The following CERS6 variants were observed in gnomAD, a reference collection of about 807,000 sequenced individuals.
CERS6 encodes the protein LAG1 homolog, ceramide synthase 6.
CERS6 carries 26 observed loss-of-function variants against 56.8 expected under a neutral mutation model. The ratio of observed to expected loss-of-function variants is 0.46; its 90% CI spans 0.34 to 0.63. The LOEUF (loss-of-function observed/expected upper bound fraction) is 0.63, where lower values mean the gene tolerates loss of function less well. Ranked by LOEUF, CERS6 falls within the 30% of genes least tolerant of loss-of-function variation. The pLI, the probability that CERS6 is intolerant of heterozygous loss-of-function variation, is 0.01. For missense variants in CERS6, 415 were observed against 467.5 expected, an observed-to-expected ratio of 0.89 and a Z score of 1.04; for synonymous variants, 164 against 173.3, an observed-to-expected ratio of 0.95 and a Z score of 0.42.
chr2:168,610,547 G>A (rs990194107), intron 3 of CERS6, among the ~76,000 whole-genome samples: 6 of 152,128 alleles, frequency 3.9e-5, no homozygotes, highest in Admixed American at 3.9e-4. Context: ...TTTCCAAACG[G>A]AGAACTGAGC....
intron 8 of CERS6, among the ~76,000 whole-genome samples, chr2:168,750,569 A>T (rs1039572937): frequency 5.3e-5 from 8 of 152,282 alleles, no homozygotes; most frequent in Non-Finnish European, 8.8e-5. Context: ...TTTCCATTTC[A>T]TTAAATGTTC....
chr2:168,479,739 G>C (rs1694144623), intron 1 of CERS6, among the ~76,000 whole-genome samples: 1 of 152,108 alleles, frequency 6.6e-6, no homozygotes, highest in African/African-American at 2.4e-5. Context: ...CTCCTGAGTA[G>C]CTGGGATTAC....
At position 168,481,297 on chromosome 2, in the gene CERS6, C is replaced by T. The variant is rs1179781943; in HGVS notation, c.170+24679C>T. 5.9e-5 allele frequency among the ~76,000 whole-genome samples: 9 copies of T among 152,294 alleles called. No homozygotes were observed. The Middle Eastern group carries it at 0.01, about 173-fold the overall frequency. On this transcript the variant is annotated intron_variant, in intron 1 of 9. Coordinates refer to ENST00000305747, the MANE Select transcript of CERS6 (RefSeq NM_203463.3). ...AGGCGTGGTGGCTGGCACCTGTAGT[C>T]CCACCTACTCTGGAGGCTGAGGCAG...
intron 1 of CERS6, among the ~76,000 whole-genome samples, chr2:168,470,524 C>A (rs903833903): frequency 6.6e-6 from 1 of 152,148 alleles, no homozygotes; most frequent in African/African-American, 2.4e-5. Flanking sequence ...GAGGGCAGAA[C>A]TGTGTCTGTA....
At chr2:168,527,991 G>A (rs1227975121) in intron 1 of CERS6, among the ~76,000 whole-genome samples, 5 of 151,772 alleles carry the variant, frequency 3.3e-5, no homozygotes, top group African/African-American at 1.2e-4. Context: ...AAAAATGCTG[G>A]GATTGCAGGT....
At chr2:168,645,138 TATATAGAGAGAG>T (rs58099720) in intron 4 of CERS6, among the ~76,000 whole-genome samples, 47 of 30,026 alleles carry the variant, frequency 1.6e-3, no homozygotes, top group Admixed American at 2.3e-3. Flanking sequence ...TATATATATA[TATATAGAGAGAG>T]AGAGAGAGAG....
intron 6 of CERS6, among the ~76,000 whole-genome samples, chr2:168,713,072 G>A (rs1687134405): frequency 6.6e-6 from 1 of 151,560 alleles, no homozygotes; most frequent in Non-Finnish European, 1.5e-5. Flanking sequence ...GTTCCACAAG[G>A]GCAAAAGTAG....
At chr2:168,637,007 A>G (rs1031835598) in intron 4 of CERS6, among the ~76,000 whole-genome samples, 3 of 152,204 alleles carry the variant, frequency 2.0e-5, no homozygotes, top group Non-Finnish European at 4.4e-5. Context: ...TCAGTAATGT[A>G]GACTATCCTA....
At position 168,725,726 on chromosome 2, in the gene CERS6, A is replaced by C. The variant is rs143058739; in HGVS notation, c.845+7748A>C. On this transcript the variant is annotated intron_variant, in intron 8 of 9. Coordinates refer to ENST00000305747, the MANE Select transcript of CERS6 (RefSeq NM_203463.3). Reference sequence around the variant, plus strand: ...TATATTGGATACATGTTGCACTACTATTATCAAACGCAATCACTGGTGCCC... The same window carrying C: ...TATATTGGATACATGTTGCACTACTCTTATCAAACGCAATCACTGGTGCCC... Among the ~76,000 whole-genome samples the C allele has an allele frequency of 7.1e-3, 1,086 of 152,360 alleles. 11 individuals are homozygous for C. Among genetic ancestry groups the C allele is most frequent in the African/African-American group, 0.024 (1,018 of 41,596 alleles).
At chr2:168,460,320 G>A (rs1693756430) in intron 1 of CERS6, among the ~76,000 whole-genome samples, 1 of 151,740 alleles carries the variant, frequency 6.6e-6, no homozygotes, top group Non-Finnish European at 1.5e-5. Context: ...TCAGCCTCAC[G>A]AGTAGCTAGG....
intron 8 of CERS6, 110 bp from the exon 9 acceptor site, chr2:168,765,482 G>A (rs929532735): frequency 9.3e-7 from 1 of 1,070,076 alleles, no homozygotes; most frequent in African/African-American, 1.6e-5. Context: ...CTGCCAGAGA[G>A]GGGGTAGTTG....
chr2:168,462,105 A>G (rs1360560384), intron 1 of CERS6, among the ~76,000 whole-genome samples: 1 of 152,248 alleles, frequency 6.6e-6, no homozygotes, highest in Non-Finnish European at 1.5e-5. Context: ...ATGTTATTGC[A>G]TACACTTACA....
intron 1 of CERS6, among the ~76,000 whole-genome samples, chr2:168,529,455 G>C (rs1695127742): frequency 6.6e-6 from 1 of 152,168 alleles, no homozygotes; most frequent in Non-Finnish European, 1.5e-5. Context: ...ATAACCAAAA[G>C]TCTTCTGTGG....
chr2:168,625,634 G>A (rs986859309), intron 3 of CERS6, among the ~76,000 whole-genome samples: 5 of 152,132 alleles, frequency 3.3e-5, no homozygotes, highest in Admixed American at 2.0e-4. Flanking sequence ...AGGAGGTAAA[G>A]AACAAGTCAG....
chr2:168,619,785 A>G (rs1684416318), intron 3 of CERS6, among the ~76,000 whole-genome samples: 2 of 151,846 alleles, frequency 1.3e-5, no homozygotes, highest in African/African-American at 4.8e-5. Context: ...CCACTATGGT[A>G]AAGAACTAAA....
intron 8 of CERS6, among the ~76,000 whole-genome samples, chr2:168,745,121 G>A (rs1684059225): frequency 6.6e-6 from 1 of 152,148 alleles, no homozygotes; most frequent in African/African-American, 2.4e-5. Flanking sequence ...TCAGATAAAG[G>A]GAAATGAGTT....
At chr2:168,667,347 G>T (rs923036959) in intron 4 of CERS6, among the ~76,000 whole-genome samples, 4 of 152,162 alleles carry the variant, frequency 2.6e-5, no homozygotes, top group Non-Finnish European at 5.9e-5. Context: ...TGTTCTGGTG[G>T]CTTAGAGAGG....
intron 4 of CERS6, among the ~76,000 whole-genome samples, chr2:168,674,527 C>G (rs1290918488): frequency 6.6e-6 from 1 of 152,194 alleles, no homozygotes; most frequent in African/African-American, 2.4e-5. Context: ...ATTGATGTGA[C>G]ATTGCACATT....
At chr2:168,479,670 G>A (rs1318251984) in intron 1 of CERS6, among the ~76,000 whole-genome samples, 3 of 152,048 alleles carry the variant, frequency 2.0e-5, no homozygotes, top group South Asian at 2.1e-4. Flanking sequence ...GTGCAATGGC[G>A]CGATCTCGGC....
Sources: gnomAD v4.1 joint callset for allele counts (sites outside exome capture counted in the v4.1 genomes callset) on GRCh38, gnomAD v4.1.1 for gene constraint, MANE v1.5 for transcripts, NCBI Gene and HGNC (gene_info 2026-07-23, HGNC 2026-07-21) for gene names.